ZMYND12: variants seen among roughly 807,000 people sequenced by gnomAD.
The protein encoded by ZMYND12 is zinc finger MYND domain-containing protein 12.
In ZMYND12, 32 loss-of-function variants were observed where a neutral mutation model predicts 41.7. The ratio of observed to expected loss-of-function variants is 0.77; its 90% confidence interval spans 0.58 to 1.03. The LOEUF is 1.03. ZMYND12 is among the 50% of genes least tolerant of loss of function. ZMYND12 has a pLI of 0.00. For synonymous variants in ZMYND12, 148 were observed against 164.8 expected, an observed-to-expected ratio of 0.90 and a Z score of 0.78; for missense variants, 424 against 438.5, an observed-to-expected ratio of 0.97 and a Z score of 0.30.
intron 3 of ZMYND12, among the ~76,000 whole-genome samples, chr1:42,442,431 A>C (rs10493108): frequency 0.18 from 27,507 of 152,154 alleles, 2,717 homozygotes; most frequent in African/African-American, 0.24. Flanking sequence ...GGAAAGCCAC[A>C]TTTATTGCTA....
intron 1 of ZMYND12, among the ~76,000 whole-genome samples, chr1:42,450,311 G>A (rs1419722155): frequency 6.6e-6 from 1 of 152,192 alleles, no homozygotes; most frequent in East Asian, 1.9e-4. Context: ...GTCACACAGG[G>A]ATGCTGGCAT....
intron 7 of ZMYND12, 110 bp from the exon 8 acceptor site, chr1:42,430,968 C>G (rs1642842789): frequency 1.4e-6 from 2 of 1,414,018 alleles, no homozygotes; most frequent in Admixed American, 4.1e-5. Flanking sequence ...ACCACCTTTT[C>G]ACACCACCCA....
At chr1:42,449,307 T>C (rs1643057401) in intron 2 of ZMYND12, among the ~76,000 whole-genome samples, 1 of 152,232 alleles carries the variant, frequency 6.6e-6, no homozygotes, top group Non-Finnish European at 1.5e-5. Context: ...TCCTATTATG[T>C]GGCCAGACTC....
intron 1 of ZMYND12, among the ~76,000 whole-genome samples, chr1:42,450,626 T>C (rs1643073365): frequency 6.6e-6 from 1 of 152,230 alleles, no homozygotes; most frequent in South Asian, 2.1e-4. Context: ...TATGTTTTAG[T>C]TTGCTCTTCT....
At chr1:42,432,878 C>T (rs932803116) in intron 7 of ZMYND12, 12 of 387,152 alleles carry the variant, frequency 3.1e-5, no homozygotes, top group Non-Finnish European at 5.0e-5. Flanking sequence ...CCAGAGCCTT[C>T]CTGCCCTGCA....
At chr1:42,441,420 C>G (rs566965388) in intron 3 of ZMYND12, among the ~76,000 whole-genome samples, 1 of 152,286 alleles carries the variant, frequency 6.6e-6, no homozygotes, top group South Asian at 2.1e-4. Flanking sequence ...GCTCAAGGCT[C>G]TAATATAAAG....
At chr1:42,433,353 C>T in intron 6 of ZMYND12, 65 bp from the exon 7 acceptor site, 1 of 1,508,216 alleles carries the variant, frequency 6.6e-7, no homozygotes, top group Non-Finnish European at 8.8e-7. Context: ...TCATCAAAAG[C>T]ACTCAGCTGT....
chr1:42,441,437 A>G (rs1173686175), intron 3 of ZMYND12, among the ~76,000 whole-genome samples: 4 of 152,384 alleles, frequency 2.6e-5, no homozygotes, highest in South Asian at 4.1e-4. Context: ...AAAGTAGTGT[A>G]GTATTTGCAT....
intron 3 of ZMYND12, 94 bp from the exon 4 acceptor site, chr1:42,440,119 T>C: frequency 7.5e-7 from 1 of 1,325,660 alleles, no homozygotes; most frequent in Non-Finnish European, 1.0e-6. Context: ...CATGTATTCA[T>C]TGACTCAAGT....
intron 4 of ZMYND12, among the ~76,000 whole-genome samples, chr1:42,439,400 G>A (rs141251283): frequency 7.9e-5 from 12 of 152,170 alleles, no homozygotes; most frequent in South Asian, 4.1e-4. Context: ...CGAGTATCTC[G>A]GACTACAGGC....
At position 42,456,007 on chromosome 1, in the gene ZMYND12, A is replaced by T. The variant is rs1643171501; in HGVS notation, c.-10T>A. The T allele has an allele frequency of 6.2e-7, 1 of 1,602,308 alleles. No homozygotes were observed. The highest frequency in any genetic ancestry group is 8.5e-7 in the Non-Finnish European group (1 of 1,172,204). ...GGTAGATCACATTCATGGTGCAGCC[A>T]GCAGTGCTGGTCTCTAAGACGGTTG... On this transcript the variant is annotated 5_prime_UTR_variant, in exon 1 of 8. Transcript: ENST00000372565.
chr1:42,449,932 G>T lies in ZMYND12; in HGVS notation c.238C>A (p.Leu80Met). 1 of 1,612,214 alleles carries T rather than the reference G, an allele frequency of 6.2e-7. No individual in the cohort carries two copies. ...GTAGGCCCTACCTGCCGCTGCTGCA[G>T]CTGCTGCAGGCCATGCTGCCGTTCT... ...EEERQHGLQQ[L>M]QQRQKYLIEF... The change falls in exon 2 of 8, where the codon CTG becomes ATG. Residue 80 changes from leucine to methionine, a missense_variant. Coordinates refer to ENST00000372565, the MANE Select transcript of ZMYND12 (RefSeq NM_032257.5).
chr1:42,434,176 A>G (rs560543848), intron 6 of ZMYND12, among the ~76,000 whole-genome samples: 1 of 152,092 alleles, frequency 6.6e-6, no homozygotes, highest in Non-Finnish European at 1.5e-5. Context: ...TATATCACCA[A>G]CTGCACTGTA....
intron 1 of ZMYND12, among the ~76,000 whole-genome samples, chr1:42,455,423 G>C (rs1643151193): frequency 6.6e-6 from 1 of 152,198 alleles, no homozygotes; most frequent in Non-Finnish European, 1.5e-5. Flanking sequence ...CAGGCGCCCA[G>C]CACCACTCCC....
chr1:42,452,323 C>A (rs913700265), intron 1 of ZMYND12, among the ~76,000 whole-genome samples: 1 of 152,144 alleles, frequency 6.6e-6, no homozygotes, highest in Admixed American at 6.5e-5. Context: ...AGAATGTACG[C>A]CCTGACTAAA....
intron 4 of ZMYND12, among the ~76,000 whole-genome samples, chr1:42,439,029 T>C (rs561385791): frequency 6.6e-6 from 1 of 152,366 alleles, no homozygotes; most frequent in Admixed American, 6.5e-5. Flanking sequence ...CTTATACATC[T>C]AGCTCTTTTA....
intron 4 of ZMYND12, among the ~76,000 whole-genome samples, chr1:42,439,643 A>C (rs941394242): frequency 6.6e-6 from 1 of 152,146 alleles, no homozygotes; most frequent in Non-Finnish European, 1.5e-5. Context: ...GGAATATGTG[A>C]CCTGGCCAAG....
At chr1:42,442,687 A>C (rs1642983706) in intron 3 of ZMYND12, among the ~76,000 whole-genome samples, 1 of 152,184 alleles carries the variant, frequency 6.6e-6, no homozygotes, top group African/African-American at 2.4e-5. Flanking sequence ...TCATAAGCCA[A>C]CCCTCTGCTC....
At chr1:42,437,446 G>C (rs1390376720) in intron 4 of ZMYND12, among the ~76,000 whole-genome samples, 1 of 88,384 alleles carries the variant, frequency 1.1e-5, no homozygotes, top group African/African-American at 2.9e-5. Flanking sequence ...AGCTCTGTGT[G>C]TGTGTGTGTG....
Sources: gnomAD v4.1 joint callset for allele counts (sites outside exome capture counted in the v4.1 genomes callset) on GRCh38, gnomAD v4.1.1 for gene constraint, MANE v1.5 for transcripts, NCBI Gene and HGNC (gene_info 2026-07-23, HGNC 2026-07-21) for gene names.